Variants in ANKRD11 observed in about 807,000 individuals in gnomAD.
The protein encoded by ANKRD11 is ankyrin repeat domain 11, also known as ankyrin repeat domain-containing protein 11.
In ANKRD11, 17 loss-of-function variants were observed where a neutral mutation model predicts 195.7. The observed-to-expected ratio is 0.09, with a 90% CI of 0.06 to 0.13. The LOEUF (loss-of-function observed/expected upper bound fraction) is 0.13, where lower values mean the gene tolerates loss of function less well. Among genes scored for constraint, ANKRD11 ranks in the 10% least tolerant of loss-of-function variants. The pLI, the probability that ANKRD11 is intolerant of heterozygous loss-of-function variation, is 1.00. For missense variants in ANKRD11, 3,735 were observed against 3,566.1 expected (o/e 1.05, Z -1.21); for synonymous variants, 1,953 against 1,528.1 (o/e 1.28, Z -6.49).
chr16:89,443,893 C>A (rs2043651671), intron 1 of ANKRD11, among the ~76,000 whole-genome samples: 1 of 152,176 alleles, frequency 6.6e-6, no homozygotes, highest in Non-Finnish European at 1.5e-5. Flanking sequence ...AAAGTGCCAA[C>A]AAAGCCTGTG....
In ANKRD11 at chr16:89,281,882, TATC is replaced by T. The variant is rs2034280032; in HGVS notation, c.4657_4659del (p.Asp1553del). 1.2e-6 allele frequency: 2 copies of T among 1,613,920 alleles called. No homozygotes were observed. Among genetic ancestry groups the T allele is most frequent in the Non-Finnish European group, 1.7e-6 (2 of 1,180,022 alleles). The stretch of plus-strand genomic sequence containing the variant: ...CCTGGGTCTTTGGATGGCGCTACCT[TATC>T]ATTCCCGTTGCTCATCTTCACTGGG... On this transcript the variant is annotated inframe_deletion, in exon 9 of 13. Coordinates refer to ENST00000301030, the MANE Select transcript of ANKRD11 (RefSeq NM_013275.6). This position sits in a 1 kb window ranked among gnomAD's most constrained non-coding sequence, Gnocchi z 5.5.
chr16:89,392,303 A>G (rs1197948635), intron 2 of ANKRD11: 1 of 152,460 alleles, frequency 6.6e-6, no homozygotes, highest in Non-Finnish European at 1.5e-5. Flanking sequence ...CTATTTCTTT[A>G]CGGCACCAGG....
chr16:89,478,289 C>G (rs554060960), intron 1 of ANKRD11, among the ~76,000 whole-genome samples: 1 of 151,998 alleles, frequency 6.6e-6, no homozygotes, highest in Non-Finnish European at 1.5e-5. Context: ...ACATGCACGT[C>G]GGACTATCAC....
chr16:89,479,509 C>T (rs1344129595), intron 1 of ANKRD11, among the ~76,000 whole-genome samples: 1 of 151,998 alleles, frequency 6.6e-6, no homozygotes, highest in South Asian at 2.1e-4. Flanking sequence ...GTAGCACATG[C>T]CTGTAATCCC....
intron 2 of ANKRD11, among the ~76,000 whole-genome samples, chr16:89,416,453 C>T (rs1017855141): frequency 6.6e-6 from 1 of 152,082 alleles, no homozygotes; most frequent in Non-Finnish European, 1.5e-5. Context: ...CATTCGCCAC[C>T]ACGTCCGGTT....
At chr16:89,367,513 C>G (rs568405610) in intron 2 of ANKRD11, among the ~76,000 whole-genome samples, 2 of 152,236 alleles carry the variant, frequency 1.3e-5, no homozygotes, top group African/African-American at 2.4e-5. Flanking sequence ...GTCACCCACG[C>G]TCCCTCTTAG....
At position 89,285,630 on chromosome 16, in the gene ANKRD11, G is replaced by C; in HGVS notation, c.912C>G (p.Asp304Glu). ...AACTGGAAGGTGCGAAGGATGGTGCGTCTTCCTCTTCTGAGCTCTCTGTTG... is the reference window on the plus strand; with the variant it reads ...AACTGGAAGGTGCGAAGGATGGTGCCTCTTCCTCTTCTGAGCTCTCTGTTG... ...ESSTESSEEE[D>E]APSFAPSSSV... is the part of the protein sequence containing the mutation. The change falls in exon 9 of 13, where the codon GAC (aspartate) becomes GAG (glutamate). Residue 304 changes from aspartate to glutamate, a missense_variant. Coordinates refer to ENST00000301030, the MANE Select transcript of ANKRD11 (RefSeq NM_013275.6). The surrounding 1 kb of genome is among the most constrained non-coding windows in gnomAD (Gnocchi z 5.6). 1 of 1,614,172 alleles carries C rather than the reference G, an allele frequency of 6.2e-7. No individual in the cohort carries two copies. Among genetic ancestry groups the C allele is most frequent in the Non-Finnish European group, 8.5e-7 (1 of 1,180,032 alleles).
chr16:89,282,731 A>C lies in ANKRD11; in HGVS notation c.3811T>G (p.Ser1271Ala). The change falls in exon 9 of 13, where the codon TCG becomes GCG. Residue 1271 changes from serine to alanine, a missense_variant. Transcript: ENST00000301030. Reference sequence around the variant, plus strand: ...CTTTTTTCCGCGTCGGCACTTCTCGAGGACTTCCTCTCCTTGGAATGTTCT... The same window carrying C: ...CTTTTTTCCGCGTCGGCACTTCTCGCGGACTTCCTCTCCTTGGAATGTTCT... ...DKEHSKERKS[S>A]RSADAEKSLL... 1 of 1,613,412 alleles carries C rather than the reference A, an allele frequency of 6.2e-7. No homozygotes were observed. Among genetic ancestry groups the C allele is most frequent in the Non-Finnish European group, 8.5e-7 (1 of 1,179,924 alleles).
intron 2 of ANKRD11, among the ~76,000 whole-genome samples, chr16:89,394,234 G>A (rs964028466): frequency 1.3e-5 from 2 of 152,234 alleles, no homozygotes; most frequent in Non-Finnish European, 2.9e-5. Context: ...TTCTGGGACT[G>A]CAGTTCCACA....
At position 89,490,323 on chromosome 16, in the gene ANKRD11, T is replaced by G. The variant is rs2057787987; in HGVS notation, c.-223A>C. 1 of 146,122 alleles carries G rather than the reference T, an allele frequency of 6.8e-6. No homozygotes were observed. The highest frequency in any genetic ancestry group is 2.0e-4 in the East Asian group (1 of 4,990). 9.1% of individuals were successfully genotyped at this position (146,122 alleles called of 1,614,324 possible). A position where few individuals can be genotyped will look rare whatever the true frequency, so the allele number is the denominator to read the frequency against. ...CTGCCCATGCAGCCCGCGGCCGCGT[T>G]TCCCGGGCCGCGCGGCCCGAGCGGC... On this transcript the variant is annotated 5_prime_UTR_variant, in exon 1 of 13. Transcript: ENST00000301030.
chr16:89,442,686 T>C (rs1044840555), intron 1 of ANKRD11, among the ~76,000 whole-genome samples: 1 of 152,194 alleles, frequency 6.6e-6, no homozygotes, highest in African/African-American at 2.4e-5. Context: ...ACACGGTTAG[T>C]CCTTTCCTCC....
At chr16:89,336,477 A>G (rs903109173) in intron 2 of ANKRD11, among the ~76,000 whole-genome samples, 2 of 152,244 alleles carry the variant, frequency 1.3e-5, no homozygotes, top group South Asian at 4.1e-4. Context: ...GGCCAGACGG[A>G]GTCCAGGAGG....
At chr16:89,289,121 A>C (rs763934704) in intron 6 of ANKRD11, 3 of 263,960 alleles carry the variant, frequency 1.1e-5, no homozygotes, top group Non-Finnish European at 2.2e-5. Flanking sequence ...AGGGGCGCCC[A>C]GGCTCGGGCT....
At chr16:89,276,788 T>C (rs1361547518) in intron 9 of ANKRD11, among the ~76,000 whole-genome samples, 1 of 152,208 alleles carries the variant, frequency 6.6e-6, no homozygotes, top group Non-Finnish European at 1.5e-5. Context: ...CCGAGCGCAG[T>C]GGCTCACACC....
chr16:89,315,196 G>A (rs1270016157), intron 3 of ANKRD11, among the ~76,000 whole-genome samples: 3 of 152,318 alleles, frequency 2.0e-5, no homozygotes, highest in African/African-American at 7.2e-5. Flanking sequence ...TGGTGGCAGT[G>A]GCAGGAGCTC....
At chr16:89,430,697 C>G (rs1336778977) in intron 1 of ANKRD11, among the ~76,000 whole-genome samples, 1 of 152,232 alleles carries the variant, frequency 6.6e-6, no homozygotes, top group African/African-American at 2.4e-5. Flanking sequence ...CCCCGCCCAG[C>G]AGACTTGTCC....
intron 1 of ANKRD11, among the ~76,000 whole-genome samples, chr16:89,470,803 C>T (rs975853168): frequency 2.0e-5 from 3 of 151,326 alleles, no homozygotes; most frequent in Admixed American, 6.6e-5. Context: ...TCCTGGCTAA[C>T]ACGGTGAAAC....
intron 2 of ANKRD11, among the ~76,000 whole-genome samples, chr16:89,334,170 A>AAAAAAAAAAC (rs2038222478): frequency 2.9e-5 from 1 of 34,412 alleles, no homozygotes; most frequent in African/African-American, 7.8e-5. Context: ...AAAAAAAAAA[A>AAAAAAAAAAC]AAACAGAGAG....
At chr16:89,345,504 C>A (rs1208798720) in intron 2 of ANKRD11, among the ~76,000 whole-genome samples, 2 of 152,222 alleles carry the variant, frequency 1.3e-5, no homozygotes, top group Non-Finnish European at 2.9e-5. Context: ...ACCAGGCCCT[C>A]CAGTGGCCCC....
Sources: allele counts gnomAD v4.1 joint callset (sites outside exome capture counted in the v4.1 genomes callset), GRCh38; gene constraint gnomAD v4.1.1; non-coding constraint Gnocchi (gnomAD v3.1); transcripts MANE v1.5; gene names NCBI Gene and HGNC (gene_info 2026-07-23, HGNC 2026-07-21).